RNGTT: variants seen among roughly 807,000 people sequenced by gnomAD.
RNGTT encodes the protein RNA guanylyltransferase and 5'-phosphatase, also known as mRNA-capping enzyme.
In RNGTT, 33 loss-of-function variants were observed where a neutral mutation model predicts 79.3. The ratio of observed to expected loss-of-function variants is 0.42; its 90% CI spans 0.32 to 0.56. The LOEUF (loss-of-function observed/expected upper bound fraction) is 0.56. RNGTT is among the 20% of genes least tolerant of loss of function. RNGTT has a pLI of 0.17. For synonymous variants in RNGTT, 222 were observed against 235.9 expected (o/e 0.94, Z 0.54); for missense variants, 497 against 739.1 (o/e 0.67, Z 3.80).
intron 11 of RNGTT, among the ~76,000 whole-genome samples, chr6:88,809,341 T>C (rs1055112311): frequency 6.6e-6 from 1 of 151,526 alleles, no homozygotes; most frequent in Non-Finnish European, 1.5e-5. Context: ...GAAAAAAAAA[T>C]CACTAGTAGT....
chr6:88,895,410 C>T (rs901063885), intron 6 of RNGTT, among the ~76,000 whole-genome samples: 4 of 152,078 alleles, frequency 2.6e-5, no homozygotes, highest in African/African-American at 9.7e-5. Context: ...TCATACTCTT[C>T]CAACTTAGTA....
chr6:88,888,047 G>A (rs572239589), intron 8 of RNGTT, among the ~76,000 whole-genome samples: 2 of 152,246 alleles, frequency 1.3e-5, no homozygotes, highest in African/African-American at 4.8e-5. Context: ...AGCCCAGGAG[G>A]TCAAGGTTGC....
intron 13 of RNGTT, among the ~76,000 whole-genome samples, chr6:88,746,534 G>A (rs9344854): frequency 0.14 from 20,966 of 152,198 alleles, 1,594 homozygotes; most frequent in Middle Eastern, 0.24. Context: ...CTTTGGGGAA[G>A]ATTTCATGTC....
At chr6:88,713,990 TA>T (rs777608203) in intron 13 of RNGTT, among the ~76,000 whole-genome samples, 2 of 152,166 alleles carry the variant, frequency 1.3e-5, no homozygotes, top group Non-Finnish European at 2.9e-5. Context: ...AGAAAACATT[TA>T]GAGTTCCAAT....
Position 88,849,871 on chromosome 6 carries a change from AT to A in RNGTT, c.1033-46del, listed in dbSNP as rs202128011. On this transcript the variant is annotated intron_variant, in intron 9 of 15. Transcript: ENST00000369485. ...TAAGTTTCTTCATACTTTAATAACA[AT>A]TTTTTTTAATTTAATTGAAATATGG... 6,147 of 1,474,728 alleles carry A rather than the reference AT, an allele frequency of 4.2e-3. 174 individuals are homozygous for A. The African/African-American group carries it at 0.067, about 16-fold the overall frequency. 91.4% of individuals were successfully genotyped at this position (1,474,728 alleles called of 1,614,324 possible).
At chr6:88,705,377 T>G (rs556106217) in intron 13 of RNGTT, among the ~76,000 whole-genome samples, 23 of 151,782 alleles carry the variant, frequency 1.5e-4, no homozygotes, top group Non-Finnish European at 2.6e-4. Flanking sequence ...GATTTTTTAG[T>G]GAAAGAATAT....
intron 11 of RNGTT, among the ~76,000 whole-genome samples, chr6:88,843,548 CTTTTTT>C (rs11312733): frequency 1.5e-5 from 1 of 66,634 alleles, no homozygotes; most frequent in East Asian, 4.4e-4. Flanking sequence ...TAGTATGATT[CTTTTTT>C]TTTTTTTTTT....
In RNGTT at chr6:88,661,218, A is replaced by C. The variant is rs543665463; in HGVS notation, c.1506+17135T>G. Among the ~76,000 whole-genome samples, 3 of 152,332 alleles carry C rather than the reference A, an allele frequency of 2.0e-5. No individual in the cohort carries two copies. The South Asian group carries it at 6.2e-4, about 32-fold the overall frequency. On this transcript the variant is annotated intron_variant, in intron 14 of 15. Transcript: ENST00000369485. ...TTAAACGCCTACATCAAAAAGTCTGAAAGAGCACAAACAGACAATCTAAAC... is the reference window on the plus strand; with the variant it reads ...TTAAACGCCTACATCAAAAAGTCTGCAAGAGCACAAACAGACAATCTAAAC...
intron 12 of RNGTT, among the ~76,000 whole-genome samples, chr6:88,770,463 T>A (rs1778615133): frequency 6.6e-6 from 1 of 152,234 alleles, no homozygotes; most frequent in Non-Finnish European, 1.5e-5. Context: ...TCTATCCTGG[T>A]GCATATACTA....
chr6:88,863,096 A>T (rs1324991598), intron 8 of RNGTT, among the ~76,000 whole-genome samples: 1 of 152,204 alleles, frequency 6.6e-6, no homozygotes, highest in Non-Finnish European at 1.5e-5. Context: ...ACTTACATGA[A>T]CACAACAGTA....
At chr6:88,647,185 A>C (rs1242878863) in intron 14 of RNGTT, among the ~76,000 whole-genome samples, 1 of 152,174 alleles carries the variant, frequency 6.6e-6, no homozygotes, top group African/African-American at 2.4e-5. Context: ...TTCCAGATTA[A>C]CATGGAGACA....
Position 88,843,440 on chromosome 6 carries a change from A to G in RNGTT, c.1269+917T>C, listed in dbSNP as rs181325592. On this transcript the variant is annotated intron_variant, in intron 11 of 15. Transcript: ENST00000369485. Reference sequence around the variant, plus strand: ...TACCATGCAGCACTTAACAAATAACATGGCAAATCTCTATACACTGACATG... The same window carrying G: ...TACCATGCAGCACTTAACAAATAACGTGGCAAATCTCTATACACTGACATG... Among the ~76,000 whole-genome samples, 918 of 151,748 alleles carry G rather than the reference A, an allele frequency of 6.0e-3. 17 individuals are homozygous for G. Among genetic ancestry groups the G allele is most frequent in the African/African-American group, 0.02 (837 of 41,432 alleles).
At chr6:88,625,040 C>G (rs1262214962) in intron 14 of RNGTT, among the ~76,000 whole-genome samples, 1 of 151,762 alleles carries the variant, frequency 6.6e-6, no homozygotes. Context: ...CTATATATAC[C>G]TATTAGAATG....
chr6:88,718,652 CTATTT>C (rs956559407), intron 13 of RNGTT, among the ~76,000 whole-genome samples: 5 of 151,920 alleles, frequency 3.3e-5, no homozygotes, highest in Non-Finnish European at 7.4e-5. Flanking sequence ...GGAGCCCCTT[CTATTT>C]TATTTCTTAT....
intron 12 of RNGTT, among the ~76,000 whole-genome samples, chr6:88,772,566 C>G (rs561217017): frequency 3.3e-5 from 5 of 149,876 alleles, no homozygotes; most frequent in Non-Finnish European, 5.9e-5. Flanking sequence ...TTTTCGCAAC[C>G]TATTCATCTG....
intron 13 of RNGTT, among the ~76,000 whole-genome samples, chr6:88,714,631 A>G (rs1211662530): frequency 1.9e-5 from 2 of 103,110 alleles, no homozygotes; most frequent in Admixed American, 8.2e-5. Flanking sequence ...TTTAGTAGAG[A>G]CGGGGTTTCA....
At chr6:88,891,109 A>C (rs1223853227) in intron 7 of RNGTT, among the ~76,000 whole-genome samples, 1 of 152,030 alleles carries the variant, frequency 6.6e-6, no homozygotes, top group Non-Finnish European at 1.5e-5. Flanking sequence ...GTCAAGATTA[A>C]GGTTTAACAC....
At chr6:88,709,072 G>A (rs535476625) in intron 13 of RNGTT, among the ~76,000 whole-genome samples, 91 of 152,268 alleles carry the variant, frequency 6.0e-4, no homozygotes, top group African/African-American at 2.1e-3. Flanking sequence ...CACTTTGGGA[G>A]GCTGAGGCGG....
intron 13 of RNGTT, among the ~76,000 whole-genome samples, chr6:88,747,558 T>A (rs928321896): frequency 4.6e-5 from 7 of 152,192 alleles, no homozygotes; most frequent in African/African-American, 1.7e-4. Context: ...AGACCATTAA[T>A]GGGAGCTTGT....
Sources: allele counts gnomAD v4.1 joint callset (sites outside exome capture counted in the v4.1 genomes callset), GRCh38; gene constraint gnomAD v4.1.1; transcripts MANE v1.5; gene names NCBI Gene and HGNC (gene_info 2026-07-23, HGNC 2026-07-21).